KCNIP4: variants seen among roughly 807,000 people sequenced by gnomAD.
KCNIP4 encodes potassium voltage-gated channel interacting protein 4, also known as Kv channel-interacting protein 4.
A neutral mutation model predicts 34.0 loss-of-function variants in KCNIP4; 12 were observed. That is an observed-to-expected ratio of 0.35 (90% confidence interval 0.23 to 0.57). KCNIP4 has a LOEUF of 0.57. Ranked by LOEUF, KCNIP4 falls within the 20% of genes least tolerant of loss-of-function variation. The probability of loss-of-function intolerance (pLI) is 0.83; values close to 1 mark genes in which losing one functional copy is unlikely to be tolerated. For missense variants in KCNIP4, 238 were observed against 311.7 expected (o/e 0.76, Z 1.78); for synonymous variants, 124 against 102.2 (o/e 1.21, Z -1.29).
At chr4:20,809,105 C>A (rs1180150280) in intron 3 of KCNIP4, among the ~76,000 whole-genome samples, 1 of 152,182 alleles carries the variant, frequency 6.6e-6, no homozygotes, top group Non-Finnish European at 1.5e-5. Flanking sequence ...GTTTCTGGCA[C>A]AGCTATCGGA....
chr4:21,634,959 C>A (rs1249430838), intron 1 of KCNIP4, among the ~76,000 whole-genome samples: 2 of 152,086 alleles, frequency 1.3e-5, no homozygotes, highest in African/African-American at 4.8e-5. Flanking sequence ...TCAGAATACA[C>A]CTTAATAATC....
intron 1 of KCNIP4, among the ~76,000 whole-genome samples, chr4:21,834,368 T>G (rs1172995845): frequency 2.0e-5 from 3 of 152,098 alleles, no homozygotes; most frequent in African/African-American, 7.2e-5. Flanking sequence ...TGAATGGGAG[T>G]TCACTCATGA....
chr4:21,001,185 GT>G (rs1738101182), intron 1 of KCNIP4, among the ~76,000 whole-genome samples: 1 of 152,040 alleles, frequency 6.6e-6, no homozygotes, highest in African/African-American at 2.4e-5. Context: ...AATACACATG[GT>G]TTCCCCTTAA....
intron 1 of KCNIP4, among the ~76,000 whole-genome samples, chr4:21,590,677 T>C (rs190936565): frequency 5.7e-4 from 86 of 152,124 alleles, no homozygotes; most frequent in Non-Finnish European, 1.1e-3. Context: ...GTATGGTGTA[T>C]CATATCTCCT....
At chr4:21,605,389 T>C (rs1319262760) in intron 1 of KCNIP4, among the ~76,000 whole-genome samples, 1 of 152,228 alleles carries the variant, frequency 6.6e-6, no homozygotes, top group Non-Finnish European at 1.5e-5. Context: ...TGAGGATCAT[T>C]GGATGCTTCA....
chr4:20,966,199 C>T (rs554034753), intron 1 of KCNIP4, among the ~76,000 whole-genome samples: 2 of 152,178 alleles, frequency 1.3e-5, no homozygotes, highest in African/African-American at 4.8e-5. Flanking sequence ...ATGCATTTTC[C>T]CCTGTAATTT....
At chr4:21,795,789 C>A (rs1446703483) in intron 1 of KCNIP4, among the ~76,000 whole-genome samples, 1 of 152,064 alleles carries the variant, frequency 6.6e-6, no homozygotes, top group Non-Finnish European at 1.5e-5. Context: ...ATAAATTTCC[C>A]GGGTGTGGTG....
rs565679610 is a variant in KCNIP4, at chr4:20,811,519, G to A, written c.288+39024C>T. ...TGTGTGTGTGTGTGTGTGTGTGCGC[G>A]CGCGCACGCGTGCACGCCAGAGGGG... On this transcript the variant is annotated intron_variant, in intron 3 of 8. Coordinates refer to ENST00000382152, the MANE Select transcript of KCNIP4 (RefSeq NM_025221.6). Among the ~76,000 whole-genome samples the A allele has an allele frequency of 1.7e-3, 236 of 136,232 alleles. 4 individuals carry two copies. In the East Asian group the frequency reaches 0.045, roughly 26 times the overall value. 89.4% of individuals were successfully genotyped at this position (136,232 alleles called of 152,430 possible). A position where few individuals can be genotyped will look rare whatever the true frequency, so the allele number is the denominator to read the frequency against.
chr4:20,902,732 C>T (rs1727294252), intron 1 of KCNIP4, among the ~76,000 whole-genome samples: 1 of 152,048 alleles, frequency 6.6e-6, no homozygotes, highest in Non-Finnish European at 1.5e-5. Context: ...GTTGGCCAGG[C>T]TGGTCTTGAA....
chr4:20,749,149 C>A (rs1385276403), intron 5 of KCNIP4, among the ~76,000 whole-genome samples: 5 of 88,014 alleles, frequency 5.7e-5, no homozygotes, highest in Non-Finnish European at 1.2e-4. Flanking sequence ...CAGAGCGAGA[C>A]TCTTTCAAAA....
At chr4:21,253,315 TA>T (rs1302299715) in intron 1 of KCNIP4, among the ~76,000 whole-genome samples, 1 of 152,196 alleles carries the variant, frequency 6.6e-6, no homozygotes, top group Non-Finnish European at 1.5e-5. Flanking sequence ...TAAAATGTGG[TA>T]CCCCCTACTT....
intron 1 of KCNIP4, among the ~76,000 whole-genome samples, chr4:21,328,061 C>T (rs1715268983): frequency 6.6e-6 from 1 of 151,970 alleles, no homozygotes. Context: ...TAACTGGTGC[C>T]TTATTTAGTT....
chr4:21,742,940 G>A (rs1442502551), intron 1 of KCNIP4, among the ~76,000 whole-genome samples: 2 of 151,990 alleles, frequency 1.3e-5, no homozygotes, highest in African/African-American at 2.4e-5. Flanking sequence ...TAATACACAC[G>A]CATTTGCTTT....
At chr4:20,856,145 ATGAC>A (rs1397526755) in intron 2 of KCNIP4, among the ~76,000 whole-genome samples, 1 of 152,238 alleles carries the variant, frequency 6.6e-6, no homozygotes, top group African/African-American at 2.4e-5. Flanking sequence ...TGTTGATCCA[ATGAC>A]TTCAACTATG....
intron 1 of KCNIP4, among the ~76,000 whole-genome samples, chr4:21,630,587 C>G (rs1408046277): frequency 1.3e-5 from 2 of 152,076 alleles, no homozygotes; most frequent in Non-Finnish European, 2.9e-5. Flanking sequence ...TTCCCCGGAC[C>G]CTGCTGGTTT....
intron 1 of KCNIP4, among the ~76,000 whole-genome samples, chr4:21,537,688 A>T (rs1010369271): frequency 2.0e-5 from 3 of 152,114 alleles, no homozygotes; most frequent in African/African-American, 7.2e-5. Context: ...CCCTGAACCC[A>T]ATCTGACTTG....
chr4:20,859,302 G>A (rs1336643305), intron 2 of KCNIP4, among the ~76,000 whole-genome samples: 1 of 152,212 alleles, frequency 6.6e-6, no homozygotes, highest in African/African-American at 2.4e-5. Context: ...ACCAGAACCA[G>A]ATGGGACTCT....
intron 1 of KCNIP4, among the ~76,000 whole-genome samples, chr4:21,043,798 G>A (rs767697713): frequency 2.6e-5 from 4 of 152,086 alleles, no homozygotes; most frequent in Non-Finnish European, 5.9e-5. Flanking sequence ...CATCCATTAT[G>A]TCACTTAATC....
chr4:21,210,920 T>G (rs1446327240), intron 1 of KCNIP4, among the ~76,000 whole-genome samples: 3 of 152,222 alleles, frequency 2.0e-5, no homozygotes, highest in Admixed American at 2.0e-4. Flanking sequence ...AAACTGATGA[T>G]GCCCACTTAT....
Sources: gnomAD v4.1 joint callset for allele counts (sites outside exome capture counted in the v4.1 genomes callset) on GRCh38, gnomAD v4.1.1 for gene constraint, MANE v1.5 for transcripts, NCBI Gene and HGNC (gene_info 2026-07-23, HGNC 2026-07-21) for gene names.